The following SDK1 variants were observed in gnomAD, a reference collection of about 807,000 sequenced individuals.
The protein encoded by SDK1 is sidekick cell adhesion molecule 1, also known as protein sidekick-1.
Under a neutral mutation model 245.5 loss-of-function variants are expected in SDK1, and 157 were observed. The observed-to-expected ratio is 0.64, with a 90% CI of 0.56 to 0.73. The LOEUF is 0.73. Ranked by LOEUF, SDK1 falls within the 30% of genes least tolerant of loss-of-function variation. The pLI is 0.00. For synonymous variants in SDK1, 1,647 were observed against 1,278.5 expected (o/e 1.29, Z -6.15); for missense variants, 3,583 against 3,002.3 (o/e 1.19, Z -4.52).
chr7:4,091,329 C>CTTTTCTTTTCTTTTCTT (rs66906578), intron 22 of SDK1, among the ~76,000 whole-genome samples: 2 of 120,696 alleles, frequency 1.7e-5, no homozygotes, highest in Non-Finnish European at 1.6e-5. Context: ...ATTTTCTTTT[C>CTTTTCTTTTCTTTTCTT]TTTTCTTTTT....
intron 1 of SDK1, among the ~76,000 whole-genome samples, chr7:3,468,433 C>G (rs1037917300): frequency 6.6e-6 from 1 of 152,140 alleles, no homozygotes; most frequent in Non-Finnish European, 1.5e-5. Flanking sequence ...CCCATAGAAA[C>G]TAGAATTTGT....
At chr7:3,986,819 C>G (rs938577433) in intron 13 of SDK1, among the ~76,000 whole-genome samples, 1 of 152,204 alleles carries the variant, frequency 6.6e-6, no homozygotes, top group Non-Finnish European at 1.5e-5. Context: ...GAGCTTGCAT[C>G]ACAGCACTCC....
chr7:3,914,567 C>T (rs1164505326), intron 5 of SDK1, among the ~76,000 whole-genome samples: 3 of 152,320 alleles, frequency 2.0e-5, no homozygotes, highest in East Asian at 1.9e-4. Context: ...TTAAAAAGCA[C>T]GCTGAAACCA....
At chr7:3,414,656 A>T (rs1779311323) in intron 1 of SDK1, among the ~76,000 whole-genome samples, 1 of 152,210 alleles carries the variant, frequency 6.6e-6, no homozygotes, top group Non-Finnish European at 1.5e-5. Flanking sequence ...ACATAATCGT[A>T]AGGTTGTTCA....
intron 4 of SDK1, among the ~76,000 whole-genome samples, chr7:3,673,942 G>C (rs1162401987): frequency 6.6e-6 from 1 of 152,118 alleles, no homozygotes; most frequent in Non-Finnish European, 1.5e-5. Context: ...AAAATAAATA[G>C]AAATTTGATT....
chr7:3,574,779 C>T (rs1196167601), intron 1 of SDK1, among the ~76,000 whole-genome samples: 2 of 152,006 alleles, frequency 1.3e-5, no homozygotes, highest in African/African-American at 2.4e-5. Context: ...TACTCAAAGG[C>T]AGAAATAAGG....
At chr7:3,905,007 A>AAT (rs1554279225) in intron 5 of SDK1, among the ~76,000 whole-genome samples, 15 of 143,562 alleles carry the variant, frequency 1.0e-4, no homozygotes, top group South Asian at 2.2e-4. Flanking sequence ...AAAAAAAAAA[A>AAT]AATAATAATA....
Position 4,132,357 on chromosome 7 carries a change from G to C in SDK1, c.4162G>C (p.Glu1388Gln). The C allele has an allele frequency of 6.2e-7, 1 of 1,612,634 alleles. No homozygotes were observed. The highest frequency in any genetic ancestry group is 8.5e-7 in the Non-Finnish European group (1 of 1,179,088). ...PGPPVRLVFP[E>Q]VRLTSVRIVW... ...CCCACCAGTGAGGCTCGTGTTCCCC[G>C]AAGTGAGACTCACCTCCGTGCGGAT... The change falls in exon 28 of 45, where the codon GAA becomes CAA. Residue 1388 changes from glutamate (E) to glutamine (Q), a missense_variant. Glu to Gln is a conservative substitution (Grantham distance 29). Transcript: ENST00000404826.
At chr7:3,500,997 G>T (rs1782190388) in intron 1 of SDK1, among the ~76,000 whole-genome samples, 1 of 151,872 alleles carries the variant, frequency 6.6e-6, no homozygotes, top group Non-Finnish European at 1.5e-5. Flanking sequence ...ATTTTTTGAA[G>T]TTTTCTCTGC....
intron 5 of SDK1, among the ~76,000 whole-genome samples, chr7:3,852,855 A>C (rs1780453172): frequency 6.6e-6 from 1 of 151,862 alleles, no homozygotes; most frequent in Admixed American, 6.6e-5. Context: ...TTAAATTCTT[A>C]AATTCCATGT....
intron 14 of SDK1, among the ~76,000 whole-genome samples, chr7:3,990,943 C>T (rs1032256377): frequency 1.3e-5 from 2 of 152,208 alleles, no homozygotes; most frequent in African/African-American, 2.4e-5. Context: ...ACTATCCAGC[C>T]AGCCACCTAC....
chr7:3,580,216 C>A (rs552385595), intron 1 of SDK1, among the ~76,000 whole-genome samples: 5 of 152,252 alleles, frequency 3.3e-5, no homozygotes, highest in African/African-American at 9.6e-5. Flanking sequence ...GGCCATAATA[C>A]CCAAAGCAGT....
At chr7:3,614,982 TTAAC>T (rs1428381804) in intron 1 of SDK1, among the ~76,000 whole-genome samples, 1 of 151,592 alleles carries the variant, frequency 6.6e-6, no homozygotes, top group Non-Finnish European at 1.5e-5. Flanking sequence ...GCATGTTTGT[TTAAC>T]TATAAAGTCC....
At chr7:3,680,175 A>G (rs1454370219) in intron 4 of SDK1, among the ~76,000 whole-genome samples, 2 of 152,190 alleles carry the variant, frequency 1.3e-5, no homozygotes, top group Non-Finnish European at 2.9e-5. Context: ...GCTTAGGGAA[A>G]AACCCAATCT....
chr7:3,498,518 G>T (rs759790866), intron 1 of SDK1, among the ~76,000 whole-genome samples: 12 of 152,134 alleles, frequency 7.9e-5, no homozygotes, highest in Non-Finnish European at 1.3e-4. Flanking sequence ...GTATATTGTG[G>T]GTAATAAAGA....
chr7:3,323,301 A>G (rs557337426), intron 1 of SDK1, among the ~76,000 whole-genome samples: 25 of 152,308 alleles, frequency 1.6e-4, no homozygotes, highest in African/African-American at 5.5e-4. Flanking sequence ...ATGGGAACCC[A>G]ATACATGTTT....
chr7:3,629,778 A>G (rs910582276), intron 2 of SDK1, among the ~76,000 whole-genome samples: 39 of 152,258 alleles, frequency 2.6e-4, no homozygotes, highest in African/African-American at 8.7e-4. Context: ...AATCTAATCA[A>G]AGATCATCAA....
intron 7 of SDK1, among the ~76,000 whole-genome samples, chr7:3,956,123 T>C (rs1781238249): frequency 6.6e-6 from 1 of 152,202 alleles, no homozygotes. Context: ...GGATCAATTT[T>C]CAGAAGTCCA....
At chr7:4,120,253 A>T (rs1008841803) in intron 25 of SDK1, among the ~76,000 whole-genome samples, 3 of 149,292 alleles carry the variant, frequency 2.0e-5, no homozygotes, top group African/African-American at 7.3e-5. Context: ...GATGGAAAGC[A>T]TTATTTACAA....
Sources: gnomAD v4.1 joint callset for allele counts (sites outside exome capture counted in the v4.1 genomes callset) on GRCh38, gnomAD v4.1.1 for gene constraint, MANE v1.5 for transcripts, NCBI Gene and HGNC (gene_info 2026-07-23, HGNC 2026-07-21) for gene names.